The following ATP9B variants were observed in gnomAD, a reference collection of about 807,000 sequenced individuals.
ATP9B encodes the protein ATPase phospholipid transporting 9B.
Under a neutral mutation model 146.1 loss-of-function variants are expected in ATP9B, and 110 were observed. The ratio of observed to expected loss-of-function variants is 0.75; its 90% CI spans 0.65 to 0.88. The LOEUF (loss-of-function observed/expected upper bound fraction) is 0.88. Ranked by LOEUF, ATP9B falls within the 40% of genes least tolerant of loss-of-function variation. ATP9B has a pLI of 0.00. For synonymous variants in ATP9B, 604 were observed against 569.7 expected, an observed-to-expected ratio of 1.06 and a Z score of -0.86; for missense variants, 1,499 against 1,496.4, an observed-to-expected ratio of 1.00 and a Z score of -0.03.
At chr18:79,375,845 C>G in intron 29 of ATP9B, 1 of 985,480 alleles carries the variant, frequency 1.0e-6, no homozygotes, top group Non-Finnish European at 1.2e-6. Flanking sequence ...GCCTCTAACT[C>G]TGCTCCATAG....
chr18:79,333,061 C>G (rs1157009757), intron 17 of ATP9B: 1 of 152,302 alleles, frequency 6.6e-6, no homozygotes, highest in Non-Finnish European at 1.5e-5. Flanking sequence ...ATACAGTACA[C>G]TGGCTTCATT....
At chr18:79,130,314 A>G (rs1439164962) in intron 5 of ATP9B, among the ~76,000 whole-genome samples, 1 of 152,226 alleles carries the variant, frequency 6.6e-6, no homozygotes, top group African/African-American at 2.4e-5. Context: ...AGTAAGTGAA[A>G]AGAACACTCA....
intron 1 of ATP9B, among the ~76,000 whole-genome samples, chr18:79,077,811 A>C (rs951817007): frequency 1.3e-5 from 2 of 152,206 alleles, no homozygotes; most frequent in Non-Finnish European, 2.9e-5. Flanking sequence ...TGAAATGCCC[A>C]ATCTGTATTT....
chr18:79,241,405 C>T (rs1166242470), intron 11 of ATP9B, among the ~76,000 whole-genome samples: 1 of 152,098 alleles, frequency 6.6e-6, no homozygotes, highest in African/African-American at 2.4e-5. Context: ...CTTAGATCCC[C>T]CGTAGTGTGA....
Position 79,133,499 on chromosome 18 carries a change from G to A in ATP9B, c.667+7124G>A, listed in dbSNP as rs1289155007. On this transcript the variant is annotated intron_variant, in intron 5 of 29. Coordinates refer to ENST00000426216, the MANE Select transcript of ATP9B (RefSeq NM_198531.5). ...CAGATGTGGCCATATAGACTCAGGA[G>A]TGGTTATAAACACACACACACACAC... Among the ~76,000 whole-genome samples, 6 of 144,904 alleles carry A rather than the reference G, an allele frequency of 4.1e-5. No homozygotes were observed. The East Asian group carries it at 8.1e-4, about 20-fold the overall frequency.
At chr18:79,132,374 T>C (rs1036682939) in intron 5 of ATP9B, among the ~76,000 whole-genome samples, 2 of 152,132 alleles carry the variant, frequency 1.3e-5, no homozygotes, top group Admixed American at 1.3e-4. Context: ...AGAGTACGAG[T>C]TCTCATATCC....
rs2097080396 is a variant in ATP9B at position 79,372,821 on chromosome 18, CT to C, written c.3013-3del. On this transcript the variant is annotated splice_polypyrimidine_tract_variant and splice_region_variant and intron_variant, in intron 26 of 29. Transcript: ENST00000426216. ...CTAACGACGCTCTTCCACTGTTTCC[CT>C]AGGGAAGATCCTTGTCCTTCAAAAC... 1 of 1,606,396 alleles carries C rather than the reference CT, an allele frequency of 6.2e-7. No individual in the cohort carries two copies. Among genetic ancestry groups the C allele is most frequent in the Non-Finnish European group, 8.5e-7 (1 of 1,172,980 alleles).
At chr18:79,212,418 C>T (rs1165296589) in intron 10 of ATP9B, among the ~76,000 whole-genome samples, 2 of 152,212 alleles carry the variant, frequency 1.3e-5, no homozygotes, top group Admixed American at 1.3e-4. Flanking sequence ...GTCCACTTTG[C>T]TCATCAGTCA....
chr18:79,173,419 TC>T (rs1309418604), intron 7 of ATP9B, among the ~76,000 whole-genome samples: 6 of 150,588 alleles, frequency 4.0e-5, no homozygotes, highest in African/African-American at 1.5e-4. Flanking sequence ...CCTGAGGATT[TC>T]TTCTTGTGGT....
intron 26 of ATP9B, chr18:79,360,502 C>T (rs1055523770): frequency 1.3e-5 from 2 of 152,142 alleles, no homozygotes; most frequent in African/African-American, 2.4e-5. Context: ...TAACTAGTAA[C>T]TAACAAACGA....
chr18:79,070,184 T>A (rs981071076), intron 1 of ATP9B, among the ~76,000 whole-genome samples: 1 of 152,236 alleles, frequency 6.6e-6, no homozygotes, highest in African/African-American at 2.4e-5. Context: ...ACATTTCTCA[T>A]TCAAAGAAAA....
chr18:79,119,870 A>C (rs796520244), intron 4 of ATP9B, among the ~76,000 whole-genome samples: 1 of 152,178 alleles, frequency 6.6e-6, no homozygotes, highest in Non-Finnish European at 1.5e-5. Flanking sequence ...CTTACCTTCA[A>C]ATCTGAGAAG....
In ATP9B at chr18:79,329,320, G is replaced by T; in HGVS notation, c.1935+18G>T. 1 of 1,567,220 alleles carries T rather than the reference G, an allele frequency of 6.4e-7. No individual in the cohort carries two copies. The highest frequency in any genetic ancestry group is 1.9e-5 in the Admixed American group (1 of 53,830). On this transcript the variant is annotated intron_variant, in intron 16 of 29. Coordinates refer to ENST00000426216, the MANE Select transcript of ATP9B (RefSeq NM_198531.5). ...TCGTCAGGGTGAGGCTGCGGGGAGGGTGCCACGCGATGGCTTCAGACATTT... is the reference window on the plus strand; with the variant it reads ...TCGTCAGGGTGAGGCTGCGGGGAGGTTGCCACGCGATGGCTTCAGACATTT...
chr18:79,171,661 T>C (rs2095072872), intron 7 of ATP9B, among the ~76,000 whole-genome samples: 1 of 152,088 alleles, frequency 6.6e-6, no homozygotes, highest in Non-Finnish European at 1.5e-5. Flanking sequence ...TTATTTCATC[T>C]TGAGTGTGGG....
intron 11 of ATP9B, among the ~76,000 whole-genome samples, chr18:79,243,323 G>T (rs2095907788): frequency 1.3e-5 from 2 of 152,166 alleles, no homozygotes; most frequent in South Asian, 4.1e-4. Context: ...GCATTTAATT[G>T]CAAGGGGAAT....
intron 12 of ATP9B, among the ~76,000 whole-genome samples, chr18:79,270,063 A>C (rs1568540832): frequency 6.6e-6 from 1 of 151,808 alleles, no homozygotes; most frequent in Non-Finnish European, 1.5e-5. Context: ...GTTCTGGGGG[A>C]CTTGCCGCTT....
chr18:79,209,868 A>C (rs765474115), intron 10 of ATP9B: 1 of 175,794 alleles, frequency 5.7e-6, no homozygotes, highest in East Asian at 1.9e-4. Flanking sequence ...ATCCTAAGGA[A>C]TGTTTGAAAG....
At chr18:79,353,928 A>T (rs1005636094) in intron 25 of ATP9B, 5 of 152,258 alleles carry the variant, frequency 3.3e-5, no homozygotes, top group Admixed American at 2.0e-4. Flanking sequence ...CGTAATAAAG[A>T]AATTAAAGAT....
intron 8 of ATP9B, among the ~76,000 whole-genome samples, chr18:79,185,250 G>GT (rs1168903822): frequency 1.3e-5 from 2 of 152,132 alleles, no homozygotes; most frequent in Non-Finnish European, 2.9e-5. Context: ...TTATGAAGTA[G>GT]TTACAGATTT....
Sources: allele counts gnomAD v4.1 joint callset (sites outside exome capture counted in the v4.1 genomes callset), GRCh38; gene constraint gnomAD v4.1.1; transcripts MANE v1.5; gene names NCBI Gene and HGNC (gene_info 2026-07-23, HGNC 2026-07-21).